ASB12: variants seen among roughly 807,000 people sequenced by gnomAD.
ASB12 encodes ankyrin repeat and SOCS box containing 12.
ASB12 carries 17 observed loss-of-function variants against 13.7 expected under a neutral mutation model. The observed-to-expected ratio is 1.24, with a 90% CI of 0.85 to 1.86. The LOEUF is 1.86. Among genes scored for constraint, ASB12 ranks in the 40% most tolerant of loss-of-function variants. The probability of loss-of-function intolerance (pLI) is 0.00; values close to 1 mark genes in which losing one functional copy is unlikely to be tolerated. For synonymous variants in ASB12, 107 were observed against 99.8 expected (o/e 1.07, Z -0.43); for missense variants, 329 against 250.5 (o/e 1.31, Z -2.11).
chrX:64,229,214 A>G (rs899407417), intron 1 of ASB12, among the ~76,000 whole-genome samples: 1 of 111,591 alleles, frequency 9.0e-6, no homozygotes, highest in Non-Finnish European at 1.9e-5. Context: ...TTAATATTTT[A>G]TTTTGGCGAC....
At chrX:64,225,773 T>A in intron 1 of ASB12, 99 bp from the exon 2 acceptor site, 1 of 955,153 alleles carries the variant, frequency 1.0e-6, no homozygotes, top group Non-Finnish European at 1.4e-6. Context: ...ATCAGGCTAC[T>A]CATTCATGGG....
rs533931885 is a variant in ASB12, at chrX:64,225,467, G to T, written c.184C>A (p.Arg62Ser). Reference protein sequence around the residue: ...DQLLRQERYKRFINSRSGWGV... With the variant: ...DQLLRQERYKSFINSRSGWGV... ...CAGCCACTCCTGCTGTTGATGAAACGTTTGTAACGCTCCTGGCGCAAAAGC... is the reference window on the plus strand; with the variant it reads ...CAGCCACTCCTGCTGTTGATGAAACTTTTGTAACGCTCCTGGCGCAAAAGC... The change falls in exon 2 of 3, where the codon CGT becomes AGT. Residue 62 changes from arginine to serine, a missense_variant. Transcript: ENST00000362002. The T allele has an allele frequency of 8.3e-7, 1 of 1,211,260 alleles. No individual in the cohort carries two copies. The highest frequency in any genetic ancestry group is 2.2e-5 in the Admixed American group (1 of 46,031).
Position 64,229,416 on chromosome X carries a change from A to G in ASB12, c.-25+1047T>C, listed in dbSNP as rs752552522. ...TAGATAAGGACAAGGAAATCCAGCT[A>G]GCCTGTTGTCTTACCTCACTTTGCT... is the stretch of plus-strand genomic sequence containing the variant. On this transcript the variant is annotated intron_variant, in intron 1 of 2. Coordinates refer to ENST00000362002, the MANE Select transcript of ASB12 (RefSeq NM_130388.4). Among the ~76,000 whole-genome samples the G allele has an allele frequency of 2.7e-5, 3 of 112,120 alleles. No individual in the cohort carries two copies. In the East Asian group the frequency reaches 8.4e-4, roughly 31 times the overall value.
intron 1 of ASB12, among the ~76,000 whole-genome samples, chrX:64,228,379 T>A (rs1413621773): frequency 8.9e-6 from 1 of 112,203 alleles, no homozygotes; most frequent in Non-Finnish European, 1.9e-5. Context: ...TCTATATGGG[T>A]CTTTGTTTGC....
intron 1 of ASB12, among the ~76,000 whole-genome samples, chrX:64,227,539 C>A (rs1400924620): frequency 9.0e-6 from 1 of 111,691 alleles, no homozygotes; most frequent in African/African-American, 3.3e-5. Flanking sequence ...CCATCAGCTT[C>A]TTTGCCAGCA....
At chrX:64,229,601 A>G (rs1931017075) in intron 1 of ASB12, among the ~76,000 whole-genome samples, 1 of 112,390 alleles carries the variant, frequency 8.9e-6, no homozygotes, top group African/African-American at 3.2e-5. Flanking sequence ...TTTTTGCTAC[A>G]TAAAACACAT....
At chrX:64,227,135 C>T (rs1930964003) in intron 1 of ASB12, among the ~76,000 whole-genome samples, 1 of 111,321 alleles carries the variant, frequency 9.0e-6, no homozygotes, top group South Asian at 3.8e-4. Flanking sequence ...TCAGTTTCCT[C>T]ATCTATAAGA....
At chrX:64,227,609 A>T (rs1930972788) in intron 1 of ASB12, among the ~76,000 whole-genome samples, 1 of 111,189 alleles carries the variant, frequency 9.0e-6, no homozygotes. Flanking sequence ...TCTCTTCTCC[A>T]ACCTCTTCTC....
In ASB12 at chrX:64,224,980, C is replaced by T. The variant is rs200066118; in HGVS notation, c.671G>A (p.Arg224His). The change falls in exon 2 of 3, where the codon CGC (arginine) becomes CAC (histidine). Residue 224 changes from arginine to histidine, a missense_variant. By Grantham distance (29) the Arg-to-His change is conservative. Transcript: ENST00000362002. Reference protein sequence around the residue: ...QGLLARVPRPRTLLEICLHHN... With the variant: ...QGLLARVPRPHTLLEICLHHN... ...ATGGAGGCAGATTTCAAGGAGGGTG[C>T]GGGGTCTTGGGACACGAGCCAATAG... The T allele has an allele frequency of 3.5e-4, 422 of 1,208,984 alleles. No individual in the cohort carries two copies. The highest frequency in any genetic ancestry group is 4.5e-4 in the Non-Finnish European group (402 of 894,662).
Position 64,225,062 on chromosome X carries a change from A to G in ASB12, c.589T>C (p.Phe197Leu). ...LAAVYGHLDC[F>L]RLLLLHGADP... ...GCCCCGTGGAGCAAAAGCAGGCGGA[A>G]ACAGTCCAGGTGCCCGTAGACTGCG... The change falls in exon 2 of 3, where the codon TTC (phenylalanine) becomes CTC (leucine). Residue 197 changes from phenylalanine to leucine, a missense_variant. Physicochemically the swap from Phe to Leu is conservative, Grantham distance 22. Transcript: ENST00000362002. 1 of 1,211,614 alleles carries G rather than the reference A, an allele frequency of 8.3e-7. No individual in the cohort carries two copies. The highest frequency in any genetic ancestry group is 1.1e-6 in the Non-Finnish European group (1 of 895,480).
chrX:64,224,728 G>T, intron 2 of ASB12, 100 bp downstream of exon 2: 2 of 1,037,916 alleles, frequency 1.9e-6, no homozygotes, highest in African/African-American at 3.8e-5. Context: ...GGAAGATGGA[G>T]TTTTCTCCAG....
At chrX:64,224,563 A>G in intron 2 of ASB12, 95 bp from the exon 3 acceptor site, 2 of 986,017 alleles carry the variant, frequency 2.0e-6, no homozygotes, top group Non-Finnish European at 2.8e-6. Context: ...TACAGCCCTA[A>G]TGCTCTATCC....
At chrX:64,229,112 GC>G (rs770307294) in intron 1 of ASB12, among the ~76,000 whole-genome samples, 2 of 111,685 alleles carry the variant, frequency 1.8e-5, no homozygotes, top group African/African-American at 6.5e-5. Context: ...AGGATCTTCA[GC>G]TTTTGAGTGT....
At chrX:64,226,173 A>G (rs1300465888) in intron 1 of ASB12, among the ~76,000 whole-genome samples, 1 of 112,462 alleles carries the variant, frequency 8.9e-6, no homozygotes, top group Non-Finnish European at 1.9e-5. Flanking sequence ...GCGCTGGCTA[A>G]GCCAATAGAA....
At chrX:64,229,435 C>A (rs1006177382) in intron 1 of ASB12, among the ~76,000 whole-genome samples, 1 of 112,129 alleles carries the variant, frequency 8.9e-6, no homozygotes, top group Non-Finnish European at 1.9e-5. Context: ...TCTTACCTCA[C>A]TTTGCTGTAG....
At chrX:64,228,508 C>A (rs1347203834) in intron 1 of ASB12, among the ~76,000 whole-genome samples, 1 of 111,624 alleles carries the variant, frequency 9.0e-6, no homozygotes, top group Non-Finnish European at 1.9e-5. Context: ...TCTCTCTGTG[C>A]CCATTTCTTC....
rs778789270 is a variant in ASB12 at position 64,224,844 on chromosome X, CA to C, written c.806del (p.Leu269CysfsTer18). On this transcript the variant is annotated frameshift_variant, in exon 2 of 3. Transcript: ENST00000362002. LOFTEE classifies it high-confidence loss of function. ...LTSQDDKGIA[L>X]LLQARATPRS... Reference sequence around the variant, plus strand: ...ACCACTCACCTCGGGCCTGTAGCAGCAATGCAATGCCTTTATCATCTTGTGA... The same window carrying C: ...ACCACTCACCTCGGGCCTGTAGCAGCATGCAATGCCTTTATCATCTTGTGA... 424 of 1,184,167 alleles carry C rather than the reference CA, an allele frequency of 3.6e-4. No homozygotes were observed. Among genetic ancestry groups the C allele is most frequent in the Non-Finnish European group, 4.5e-4 (399 of 880,260 alleles).
chrX:64,224,310 A>G lies in ASB12; in HGVS notation c.*25T>C, dbSNP rs367633622. On this transcript the variant is annotated 3_prime_UTR_variant, in exon 3 of 3. Transcript: ENST00000362002. Reference sequence around the variant, plus strand: ...TCCCCAGGTGGTTTTCGGAGGCATCATAAGTTCCTGGGGAGACTGCAAGAT... The same window carrying G: ...TCCCCAGGTGGTTTTCGGAGGCATCGTAAGTTCCTGGGGAGACTGCAAGAT... 16 of 1,205,748 alleles carry G rather than the reference A, an allele frequency of 1.3e-5. No homozygotes were observed. Among genetic ancestry groups the G allele is most frequent in the African/African-American group, 7.0e-5 (4 of 56,912 alleles).
rs1332437322 is a variant in ASB12 at position 64,224,960 on chromosome X, G to A, written c.691C>T (p.Leu231Phe). 5 of 1,211,801 alleles carry A rather than the reference G, an allele frequency of 4.1e-6. No homozygotes were observed. The South Asian group carries it at 7.0e-5, about 17-fold the overall frequency. Residue 231 changes from leucine (L) to phenylalanine (F), a missense_variant, in exon 2 of 3, where the codon CTC becomes TTC. Leu to Phe is a conservative substitution (Grantham distance 22). Transcript: ENST00000362002. Reference sequence around the variant, plus strand: ...TACTCTGGCTCACAATTATGATGGAGGCAGATTTCAAGGAGGGTGCGGGGT... The same window carrying A: ...TACTCTGGCTCACAATTATGATGGAAGCAGATTTCAAGGAGGGTGCGGGGT... ...PRPRTLLEIC[L>F]HHNCEPEYIQ...
Sources: gnomAD v4.1 joint callset for allele counts (sites outside exome capture counted in the v4.1 genomes callset) on GRCh38, gnomAD v4.1.1 for gene constraint, MANE v1.5 for transcripts, NCBI Gene and HGNC (gene_info 2026-07-23, HGNC 2026-07-21) for gene names.